Variants in SORCS1 observed in about 807,000 individuals in gnomAD.
The protein encoded by SORCS1 is sortilin related VPS10 domain containing receptor 1.
In SORCS1, 60 loss-of-function variants were observed where a neutral mutation model predicts 146.1. That is an observed-to-expected ratio of 0.41 (90% confidence interval 0.33 to 0.51). The LOEUF is 0.51. Ranked by LOEUF, SORCS1 falls within the 20% of genes least tolerant of loss-of-function variation. The pLI is 0.21. For missense variants in SORCS1, 1,352 were observed against 1,487.6 expected, an observed-to-expected ratio of 0.91 and a Z score of 1.50; for synonymous variants, 637 against 584.0, an observed-to-expected ratio of 1.09 and a Z score of -1.31.
intron 3 of SORCS1, among the ~76,000 whole-genome samples, chr10:106,777,600 G>A (rs753197279): frequency 7.2e-5 from 11 of 152,280 alleles, no homozygotes; most frequent in Non-Finnish European, 1.3e-4. Context: ...CTATAAATAC[G>A]TAAAAATTCA....
intron 21 of SORCS1, among the ~76,000 whole-genome samples, chr10:106,614,908 C>T (rs1252830961): frequency 6.6e-6 from 1 of 152,126 alleles, no homozygotes; most frequent in African/African-American, 2.4e-5. Context: ...TATTTACAAG[C>T]AAACTTGTGC....
intron 1 of SORCS1, among the ~76,000 whole-genome samples, chr10:106,958,685 C>T (rs1414951614): frequency 1.3e-5 from 2 of 152,186 alleles, no homozygotes; most frequent in African/African-American, 4.8e-5. Context: ...AAACTTGCTT[C>T]TTTAGCAAAA....
At chr10:106,859,452 G>A (rs988795795) in intron 2 of SORCS1, among the ~76,000 whole-genome samples, 6 of 152,086 alleles carry the variant, frequency 3.9e-5, no homozygotes, top group South Asian at 2.1e-4. Flanking sequence ...GGAGTGTGGC[G>A]GCGCGATGTT....
At chr10:106,768,458 G>T (rs1859743230) in intron 4 of SORCS1, among the ~76,000 whole-genome samples, 1 of 152,162 alleles carries the variant, frequency 6.6e-6, no homozygotes, top group Admixed American at 6.5e-5. Context: ...GAATTTCAAG[G>T]ATCAATTTGT....
chr10:107,081,428 T>G (rs556978769), intron 1 of SORCS1, among the ~76,000 whole-genome samples: 1 of 152,214 alleles, frequency 6.6e-6, no homozygotes, highest in Non-Finnish European at 1.5e-5. Context: ...ACTAAACCAT[T>G]GTTGCATAGA....
chr10:106,703,966 G>C (rs1222016189), intron 8 of SORCS1, among the ~76,000 whole-genome samples: 1 of 152,194 alleles, frequency 6.6e-6, no homozygotes, highest in African/African-American at 2.4e-5. Flanking sequence ...CTGAGTAATG[G>C]AACATGCTCT....
intron 10 of SORCS1, among the ~76,000 whole-genome samples, chr10:106,681,201 G>A (rs1589651320): frequency 6.6e-6 from 1 of 152,280 alleles, no homozygotes; most frequent in South Asian, 2.1e-4. Context: ...GGATGTTCCA[G>A]AACAGCATAG....
chr10:106,672,752 A>C (rs770251253), intron 15 of SORCS1, 116 bp downstream of exon 15: 34 of 760,712 alleles, frequency 4.5e-5, no homozygotes, highest in Non-Finnish European at 7.6e-5. Context: ...GTAAGAAAAC[A>C]GTAGATGGAC....
At chr10:106,859,114 G>C (rs1370616665) in intron 2 of SORCS1, among the ~76,000 whole-genome samples, 1 of 152,224 alleles carries the variant, frequency 6.6e-6, no homozygotes, top group Admixed American at 6.5e-5. Context: ...CTGGTGAGGA[G>C]GGCATAGGGC....
rs921554077 is a variant in SORCS1 at position 106,579,468 on chromosome 10, A to G, written c.3272T>C (p.Leu1091Pro). Residue 1091 changes from leucine (L) to proline (P), a missense_variant, in exon 25 of 26, where the codon CTG (leucine) becomes CCG (proline). Leu to Pro is a moderately conservative substitution (Grantham distance 98, BLOSUM62 -3). This residue lies in a region of SORCS1 where 214 missense variants were observed against 204.8 expected (regional missense o/e 1.05). Transcript: ENST00000263054. ...ACTGTGGGTTGGAGTGAGGTCCACC[A>G]GGGGGGCTTGTGGGGGAAACAGAGC... ...VHAAHLTAAP[L>P]VDLTPTHSGS... is the part of the protein sequence containing the mutation. The G allele has an allele frequency of 1.2e-6, 2 of 1,613,572 alleles. No homozygotes were observed. The highest frequency in any genetic ancestry group is 8.5e-7 in the Non-Finnish European group (1 of 1,179,866).
intron 2 of SORCS1, among the ~76,000 whole-genome samples, chr10:106,954,798 C>G (rs1237589733): frequency 1.3e-5 from 2 of 152,078 alleles, no homozygotes; most frequent in African/African-American, 4.8e-5. Flanking sequence ...CTATAAAAAC[C>G]CTGCCCTCAG....
chr10:106,869,318 G>A (rs990509768), intron 2 of SORCS1, among the ~76,000 whole-genome samples: 31 of 152,204 alleles, frequency 2.0e-4, no homozygotes, highest in African/African-American at 7.0e-4. Flanking sequence ...TGAAGAGAAG[G>A]GACTGCTTCT....
chr10:106,672,822 C>T (rs773023692), intron 15 of SORCS1, 46 bp downstream of exon 15: 51 of 1,537,166 alleles, frequency 3.3e-5, no homozygotes, highest in Admixed American at 6.7e-5. Flanking sequence ...CCCAACACCA[C>T]TCATGCTTCC....
intron 2 of SORCS1, among the ~76,000 whole-genome samples, chr10:106,906,098 A>C (rs754679147): frequency 2.0e-5 from 3 of 152,150 alleles, no homozygotes; most frequent in Non-Finnish European, 4.4e-5. Context: ...GACTGGGAAG[A>C]AAAAGAGAAA....
intron 21 of SORCS1, among the ~76,000 whole-genome samples, chr10:106,617,449 A>G (rs1847449282): frequency 6.6e-6 from 1 of 152,230 alleles, no homozygotes; most frequent in African/African-American, 2.4e-5. Flanking sequence ...GCATATCCAT[A>G]TGACTATCTT....
At chr10:106,726,957 G>T (rs1856242568) in intron 6 of SORCS1, among the ~76,000 whole-genome samples, 1 of 151,974 alleles carries the variant, frequency 6.6e-6, no homozygotes, top group African/African-American at 2.4e-5. Flanking sequence ...GTGGTAGCGG[G>T]TGCCTGTAGT....
intron 2 of SORCS1, among the ~76,000 whole-genome samples, chr10:106,942,349 T>G (rs2138765130): frequency 6.6e-6 from 1 of 152,236 alleles, no homozygotes; most frequent in East Asian, 1.9e-4. Flanking sequence ...TATCTACCAC[T>G]CAAGCCCCTC....
chr10:106,955,251 A>G (rs12258639), intron 2 of SORCS1, among the ~76,000 whole-genome samples: 2,463 of 152,282 alleles, frequency 0.016, 90 homozygotes, highest in African/African-American at 0.055. Context: ...GGTGTCCCCG[A>G]GTTTTTAAGG....
At chr10:106,967,178 G>C (rs1469604535) in intron 1 of SORCS1, among the ~76,000 whole-genome samples, 1 of 150,676 alleles carries the variant, frequency 6.6e-6, no homozygotes, top group Non-Finnish European at 1.5e-5. Flanking sequence ...CAGAGAGTCT[G>C]AGGACACTTG....
Sources: allele counts gnomAD v4.1 joint callset (sites outside exome capture counted in the v4.1 genomes callset), GRCh38; gene constraint gnomAD v4.1.1; regional missense constraint gnomAD v4.1.1; transcripts MANE v1.5; gene names NCBI Gene and HGNC (gene_info 2026-07-23, HGNC 2026-07-21).